LINGO2: variants seen among roughly 807,000 people sequenced by gnomAD.
The protein encoded by LINGO2 is leucine-rich repeat and immunoglobulin-like domain-containing nogo receptor-interacting protein 2.
Under a neutral mutation model 30.6 loss-of-function variants are expected in LINGO2, and 14 were observed. That is an observed-to-expected ratio of 0.46 (90% confidence interval 0.30 to 0.72). The LOEUF (loss-of-function observed/expected upper bound fraction) is 0.72. LINGO2 is among the 30% of genes least tolerant of loss of function. The pLI, the probability that LINGO2 is intolerant of heterozygous loss-of-function variation, is 0.07. For missense variants in LINGO2, 729 were observed against 751.7 expected, an observed-to-expected ratio of 0.97 and a Z score of 0.35; for synonymous variants, 317 against 288.5, an observed-to-expected ratio of 1.10 and a Z score of -1.00.
At chr9:28,812,405 C>G in the LINGO2 span, among the ~76,000 whole-genome samples, 867 of 152,030 alleles carry the variant, frequency 5.7e-3, 13 homozygotes, top group African/African-American at 0.02. Context: ...TTTCATGATG[C>G]GCAATTATTT....
intron 1 of LINGO2, among the ~76,000 whole-genome samples, chr9:28,517,929 T>C (rs1175938116): frequency 1.3e-5 from 2 of 152,174 alleles, no homozygotes; most frequent in Non-Finnish European, 2.9e-5. Flanking sequence ...ATTTTTAAAT[T>C]GAAGAACTTT....
chr9:28,463,996 T>C (rs1015130774), intron 2 of LINGO2, among the ~76,000 whole-genome samples: 3 of 152,134 alleles, frequency 2.0e-5, no homozygotes, highest in Non-Finnish European at 2.9e-5. Flanking sequence ...CCATAAGTTA[T>C]AGAGAATCAA....
At chr9:28,632,877 T>TGG (rs1827059608) in intron 1 of LINGO2, among the ~76,000 whole-genome samples, 1 of 90,746 alleles carries the variant, frequency 1.1e-5, no homozygotes, top group Non-Finnish European at 2.1e-5. Context: ...TATATATATA[T>TGG]ATGTAGAGAG....
chr9:29,019,963 A>G, the LINGO2 span, among the ~76,000 whole-genome samples: 13 of 152,304 alleles, frequency 8.5e-5, no homozygotes, highest in African/African-American at 3.1e-4. Context: ...TCCTGGAGAA[A>G]GAATTTGCAA....
chr9:28,863,964 T>C, the LINGO2 span, among the ~76,000 whole-genome samples: 1 of 152,094 alleles, frequency 6.6e-6, no homozygotes, highest in Non-Finnish European at 1.5e-5. Flanking sequence ...ATAACTAGCA[T>C]GACATTATGC....
chr9:28,689,209 T>C, the LINGO2 span, among the ~76,000 whole-genome samples: 1 of 152,096 alleles, frequency 6.6e-6, no homozygotes, highest in African/African-American at 2.4e-5. Context: ...GGGCAGCTGT[T>C]AGGAGCTGAG....
chr9:29,037,655 A>G, the LINGO2 span, among the ~76,000 whole-genome samples: 1 of 151,978 alleles, frequency 6.6e-6, no homozygotes, highest in African/African-American at 2.4e-5. Context: ...AAACTGTCTA[A>G]TGTACTGTTT....
the LINGO2 span, among the ~76,000 whole-genome samples, chr9:28,842,592 A>T: frequency 6.6e-6 from 1 of 151,908 alleles, no homozygotes; most frequent in Non-Finnish European, 1.5e-5. Context: ...CTCATTGGTC[A>T]TTCTAAGCAA....
intron 5 of LINGO2, among the ~76,000 whole-genome samples, chr9:27,970,614 T>A (rs1389268598): frequency 5.3e-5 from 8 of 152,170 alleles, no homozygotes; most frequent in Non-Finnish European, 1.2e-4. Context: ...GAAAGAGTGA[T>A]GCTTATGAAG....
the LINGO2 span, among the ~76,000 whole-genome samples, chr9:29,086,283 C>T: frequency 1.3e-5 from 2 of 152,108 alleles, no homozygotes; most frequent in African/African-American, 4.8e-5. Context: ...GCATATTTCT[C>T]TTCAATTACT....
chr9:29,096,516 C>A, the LINGO2 span, among the ~76,000 whole-genome samples: 1,013 of 139,630 alleles, frequency 7.3e-3, 184 homozygotes, highest in African/African-American at 0.026. Context: ...AAATTCCTGA[C>A]CCCAAGTGAT....
chr9:28,696,443 C>T, the LINGO2 span, among the ~76,000 whole-genome samples: 2 of 151,782 alleles, frequency 1.3e-5, no homozygotes, highest in Non-Finnish European at 2.9e-5. Flanking sequence ...CATTCCAAAC[C>T]TACAGTTAAC....
chr9:27,971,146 T>G (rs4969136), intron 5 of LINGO2, among the ~76,000 whole-genome samples: 14,525 of 151,976 alleles, frequency 0.096, 1,498 homozygotes, highest in African/African-American at 0.26. Context: ...TGTACCTGTA[T>G]TTTTCACAAT....
chr9:28,494,929 A>T (rs1005453331), intron 1 of LINGO2, among the ~76,000 whole-genome samples: 43 of 152,228 alleles, frequency 2.8e-4, no homozygotes, highest in Non-Finnish European at 4.6e-4. Context: ...GTGAGATGGT[A>T]TCACACTGTG....
At chr9:28,527,389 G>A (rs889963939) in intron 1 of LINGO2, among the ~76,000 whole-genome samples, 1 of 152,060 alleles carries the variant, frequency 6.6e-6, no homozygotes, top group Non-Finnish European at 1.5e-5. Context: ...GAGATTCAGG[G>A]GATGCAGAGG....
At chr9:28,790,340 T>G in the LINGO2 span, among the ~76,000 whole-genome samples, 1 of 135,770 alleles carries the variant, frequency 7.4e-6, no homozygotes, top group Admixed American at 7.5e-5. Flanking sequence ...TTTTTTTTTT[T>G]TTTTTTGAGA....
intron 1 of LINGO2, among the ~76,000 whole-genome samples, chr9:28,528,571 T>TAA (rs1587810147): frequency 6.6e-6 from 1 of 152,156 alleles, no homozygotes; most frequent in East Asian, 1.9e-4. Context: ...TGCTTACATT[T>TAA]TGTATTGGGA....
At chr9:28,931,846 A>T in the LINGO2 span, among the ~76,000 whole-genome samples, 1 of 151,450 alleles carries the variant, frequency 6.6e-6, no homozygotes, top group East Asian at 2.0e-4. Flanking sequence ...GCGGTGGCTC[A>T]TGCCTGTAAT....
At chr9:28,560,598 G>T (rs957618571) in intron 1 of LINGO2, among the ~76,000 whole-genome samples, 1 of 151,668 alleles carries the variant, frequency 6.6e-6, no homozygotes, top group South Asian at 2.1e-4. Context: ...GCATTATTTG[G>T]GTGTGATTAT....
Sources: allele counts gnomAD v4.1 joint callset (sites outside exome capture counted in the v4.1 genomes callset), GRCh38; gene constraint gnomAD v4.1.1; transcripts MANE v1.5; gene names NCBI Gene and HGNC (gene_info 2026-07-23, HGNC 2026-07-21).